Variants in SPAG17 observed in about 807,000 individuals in gnomAD.
The protein encoded by SPAG17 is sperm-associated antigen 17.
Under a neutral mutation model 273.6 loss-of-function variants are expected in SPAG17, and 169 were observed. That is an observed-to-expected ratio of 0.62 (90% CI 0.55 to 0.70). The LOEUF is 0.70. Ranked by LOEUF, SPAG17 falls within the 30% of genes least tolerant of loss-of-function variation. The pLI, the probability that SPAG17 is intolerant of heterozygous loss-of-function variation, is 0.00. For missense variants in SPAG17, 2,557 were observed against 2,627.8 expected (o/e 0.97, Z 0.59); for synonymous variants, 825 against 873.2 (o/e 0.94, Z 0.97).
chr1:118,051,922 C>A (rs1651079337), intron 20 of SPAG17, among the ~76,000 whole-genome samples: 1 of 131,626 alleles, frequency 7.6e-6, no homozygotes, highest in Non-Finnish European at 1.6e-5. Context: ...AATACATAAA[C>A]TATTATAATA....
chr1:117,974,857 G>A (rs1654967824), intron 43 of SPAG17, among the ~76,000 whole-genome samples: 1 of 152,188 alleles, frequency 6.6e-6, no homozygotes, highest in Non-Finnish European at 1.5e-5. Flanking sequence ...CGATCTGCAG[G>A]TGAGTGCCAC....
intron 1 of SPAG17, among the ~76,000 whole-genome samples, chr1:118,174,917 C>T (rs1332135733): frequency 6.6e-6 from 1 of 152,134 alleles, no homozygotes; most frequent in African/African-American, 2.4e-5. Context: ...GGTAGTCAAG[C>T]CTCTGCTACC....
At chr1:117,964,092 T>C in intron 47 of SPAG17, 154 bp from the exon 48 acceptor site, 4 of 779,796 alleles carry the variant, frequency 5.1e-6, no homozygotes, top group Non-Finnish European at 6.0e-6. Flanking sequence ...ATGCTCAGGC[T>C]TGGGGGTTAG....
chr1:118,136,847 G>T (rs901413952), intron 3 of SPAG17, among the ~76,000 whole-genome samples: 3 of 148,414 alleles, frequency 2.0e-5, no homozygotes, highest in Admixed American at 2.0e-4. Flanking sequence ...AATGATGGAG[G>T]AATCATGAAA....
chr1:118,132,937 A>AT (rs1461861671), intron 3 of SPAG17, among the ~76,000 whole-genome samples: 1 of 151,220 alleles, frequency 6.6e-6, no homozygotes, highest in Non-Finnish European at 1.5e-5. Context: ...ATACCCAGCT[A>AT]TTTTTTTGTA....
chr1:118,139,900 G>A (rs755709745), intron 3 of SPAG17, among the ~76,000 whole-genome samples: 8 of 152,162 alleles, frequency 5.3e-5, no homozygotes, highest in Non-Finnish European at 1.0e-4. Flanking sequence ...GGACCTTTAA[G>A]AAGTGACCAG....
At chr1:118,064,849 C>A (rs1652792654) in intron 18 of SPAG17, among the ~76,000 whole-genome samples, 1 of 151,632 alleles carries the variant, frequency 6.6e-6, no homozygotes, top group Non-Finnish European at 1.5e-5. Context: ...AGGGATTTGG[C>A]CTTAAATGCT....
chr1:118,116,309 C>T (rs887743680), intron 3 of SPAG17, among the ~76,000 whole-genome samples: 4 of 152,208 alleles, frequency 2.6e-5, no homozygotes, highest in Admixed American at 2.6e-4. Context: ...CTGCCTGAAG[C>T]ATTGTCACAG....
chr1:118,093,122 T>A, intron 8 of SPAG17, 34 bp downstream of exon 8: 1 of 1,578,590 alleles, frequency 6.3e-7, no homozygotes, highest in East Asian at 2.2e-5. Flanking sequence ...CAGTGAATCA[T>A]TCATCCCACT....
chr1:118,094,716 G>A (rs1389421242), intron 7 of SPAG17, among the ~76,000 whole-genome samples: 1 of 152,046 alleles, frequency 6.6e-6, no homozygotes, highest in Admixed American at 6.6e-5. Flanking sequence ...TAAATTCAAT[G>A]GCCTTTTCTT....
At chr1:118,148,112 AG>A (rs764774226) in intron 3 of SPAG17, among the ~76,000 whole-genome samples, 1 of 152,196 alleles carries the variant, frequency 6.6e-6, no homozygotes, top group Non-Finnish European at 1.5e-5. Context: ...GGAATTTGTT[AG>A]ATTATCTTTT....
At chr1:118,028,853 C>A (rs1222440958) in intron 25 of SPAG17, among the ~76,000 whole-genome samples, 1 of 152,086 alleles carries the variant, frequency 6.6e-6, no homozygotes, top group East Asian at 1.9e-4. Flanking sequence ...GTCATGAGGG[C>A]TCCACCCTTA....
At chr1:118,108,919 C>G (rs1172192041) in intron 4 of SPAG17, among the ~76,000 whole-genome samples, 1 of 151,994 alleles carries the variant, frequency 6.6e-6, no homozygotes, top group African/African-American at 2.4e-5. Flanking sequence ...TTAAGTTATT[C>G]TCACTTTTTA....
chr1:118,103,482 A>G (rs982658910), intron 4 of SPAG17, among the ~76,000 whole-genome samples: 3 of 152,116 alleles, frequency 2.0e-5, no homozygotes, highest in Admixed American at 6.5e-5. Flanking sequence ...GGCTGCAGGT[A>G]TCACTCACAA....
At chr1:118,104,477 A>C (rs1656265640) in intron 4 of SPAG17, among the ~76,000 whole-genome samples, 1 of 152,242 alleles carries the variant, frequency 6.6e-6, no homozygotes, top group Non-Finnish European at 1.5e-5. Context: ...ATTTGGCTAG[A>C]GTTACAAATG....
intron 48 of SPAG17, chr1:117,955,505 A>G: frequency 1.3e-6 from 1 of 747,500 alleles, no homozygotes; most frequent in Non-Finnish European, 2.0e-6. Context: ...ATAATTTATA[A>G]TGTTCTTTTT....
intron 3 of SPAG17, among the ~76,000 whole-genome samples, chr1:118,135,300 A>G (rs1658277288): frequency 6.6e-6 from 1 of 151,930 alleles, no homozygotes; most frequent in Non-Finnish European, 1.5e-5. Context: ...AGTGCTATGA[A>G]CTTACTGTGC....
At chr1:117,954,487 C>A in intron 48 of SPAG17, 1 of 1,307,392 alleles carries the variant, frequency 7.6e-7, no homozygotes, top group Non-Finnish European at 1.1e-6. Context: ...TTTCCCTTTT[C>A]AAAATTATAA....
intron 24 of SPAG17, 95 bp downstream of exon 24, chr1:118,036,675 A>C (rs1649124765): frequency 2.5e-6 from 2 of 785,534 alleles, no homozygotes; most frequent in Non-Finnish European, 4.2e-6. Flanking sequence ...ATTAAATCAT[A>C]ACATGTTATT....
Sources: gnomAD v4.1 joint callset for allele counts (sites outside exome capture counted in the v4.1 genomes callset) on GRCh38, gnomAD v4.1.1 for gene constraint, MANE v1.5 for transcripts, NCBI Gene and HGNC (gene_info 2026-07-23, HGNC 2026-07-21) for gene names.